The following DLG2 variants were observed in gnomAD, a reference collection of about 807,000 sequenced individuals.
DLG2 encodes the protein disks large homolog 2.
A neutral mutation model predicts 132.5 loss-of-function variants in DLG2; 45 were observed. That is an observed-to-expected ratio of 0.34 (90% CI 0.27 to 0.44). The LOEUF is 0.44. Ranked by LOEUF, DLG2 falls within the 20% of genes least tolerant of loss-of-function variation. The pLI is 1.00. For synonymous variants in DLG2, 424 were observed against 419.6 expected, an observed-to-expected ratio of 1.01 and a Z score of -0.13; for missense variants, 1,045 against 1,196.9, an observed-to-expected ratio of 0.87 and a Z score of 1.87.
intron 6 of DLG2, among the ~76,000 whole-genome samples, chr11:84,856,885 C>A (rs1001766797): frequency 6.6e-6 from 1 of 151,710 alleles, no homozygotes; most frequent in African/African-American, 2.4e-5. Context: ...TCTGAGGAGG[C>A]TGAAAAAGTA....
intron 6 of DLG2, among the ~76,000 whole-genome samples, chr11:84,728,779 G>C (rs1311005292): frequency 6.6e-6 from 1 of 152,140 alleles, no homozygotes; most frequent in Non-Finnish European, 1.5e-5. Context: ...CTTGTTATTG[G>C]TTTATTCAGG....
At chr11:85,554,827 G>A (rs918072495) in intron 3 of DLG2, among the ~76,000 whole-genome samples, 4 of 150,302 alleles carry the variant, frequency 2.7e-5, no homozygotes, top group South Asian at 2.1e-4. Context: ...ATTTTTTTTC[G>A]GACTTTTGCA....
At chr11:84,090,286 C>T (rs1054982411) in intron 10 of DLG2, among the ~76,000 whole-genome samples, 2 of 151,670 alleles carry the variant, frequency 1.3e-5, no homozygotes, top group East Asian at 1.9e-4. Flanking sequence ...TGGTAGCAGG[C>T]GCCTGTAATC....
intron 9 of DLG2, among the ~76,000 whole-genome samples, chr11:84,157,335 T>A (rs906854587): frequency 2.0e-5 from 3 of 152,208 alleles, no homozygotes; most frequent in Non-Finnish European, 4.4e-5. Flanking sequence ...TGTATAATAC[T>A]TGTGAATTTT....
At chr11:85,446,506 C>T (rs972637474) in intron 3 of DLG2, among the ~76,000 whole-genome samples, 4 of 152,172 alleles carry the variant, frequency 2.6e-5, no homozygotes, top group Admixed American at 6.5e-5. Flanking sequence ...TTAATAATCA[C>T]TTAAAATAAT....
intron 21 of DLG2, among the ~76,000 whole-genome samples, chr11:83,532,128 T>C (rs2095764309): frequency 6.6e-6 from 1 of 152,220 alleles, no homozygotes; most frequent in Non-Finnish European, 1.5e-5. Context: ...ATTTTTTAAG[T>C]GGTTGAGTTA....
chr11:84,484,579 A>G (rs1683523615), intron 7 of DLG2, among the ~76,000 whole-genome samples: 1 of 152,164 alleles, frequency 6.6e-6, no homozygotes, highest in African/African-American at 2.4e-5. Context: ...ACTTTTTTGC[A>G]TTAAAATTAA....
intron 7 of DLG2, among the ~76,000 whole-genome samples, chr11:84,445,680 G>A (rs575671694): frequency 2.1e-3 from 319 of 152,144 alleles, no homozygotes; most frequent in African/African-American, 7.4e-3. Flanking sequence ...ACTTTGGGAG[G>A]CCGAGGCGGG....
chr11:83,644,446 C>T (rs1000578741), intron 18 of DLG2, among the ~76,000 whole-genome samples: 3 of 152,102 alleles, frequency 2.0e-5, no homozygotes, highest in South Asian at 2.1e-4. Context: ...ATACTCATAA[C>T]TTCGTTCTCA....
At chr11:83,849,683 T>C (rs894172342) in intron 16 of DLG2, among the ~76,000 whole-genome samples, 4 of 151,692 alleles carry the variant, frequency 2.6e-5, no homozygotes, top group Non-Finnish European at 5.9e-5. Context: ...TCTCTCAGCA[T>C]AGCATGTGCT....
At chr11:84,912,260 A>T (rs2092137402) in intron 6 of DLG2, among the ~76,000 whole-genome samples, 5 of 152,164 alleles carry the variant, frequency 3.3e-5, no homozygotes, top group Admixed American at 2.0e-4. Flanking sequence ...GGTTCACGCC[A>T]TTCTCCTGCC....
intron 20 of DLG2, among the ~76,000 whole-genome samples, chr11:83,537,391 A>G (rs1342612668): frequency 6.6e-6 from 1 of 152,106 alleles, no homozygotes. Context: ...AATGTCACCC[A>G]CATTAGTGGC....
chr11:85,012,266 C>T lies in DLG2; in HGVS notation c.357+99395G>A, dbSNP rs2059201681. Among the ~76,000 whole-genome samples the T allele has an allele frequency of 2.7e-5, 2 of 74,344 alleles. 1 individual carries two copies. Among genetic ancestry groups the T allele is most frequent in the African/African-American group, 2.0e-4 (2 of 9,802 alleles). 48.8% of individuals were successfully genotyped at this position (74,344 alleles called of 152,430 possible). ...ATATGGCCGGGCGCAGTGGCTCACG[C>T]CTGTAATCCCAGCACTTTGGGAAGC... On this transcript the variant is annotated intron_variant, in intron 6 of 27. Coordinates refer to ENST00000376104, the MANE Select transcript of DLG2 (RefSeq NM_001142699.3).
chr11:85,509,085 C>A (rs1036755782), intron 3 of DLG2, among the ~76,000 whole-genome samples: 2 of 152,010 alleles, frequency 1.3e-5, no homozygotes, highest in African/African-American at 2.4e-5. Flanking sequence ...CTACATATTA[C>A]TGATTTTGAA....
chr11:85,338,729 G>A (rs540816716), intron 3 of DLG2, among the ~76,000 whole-genome samples: 262 of 140,976 alleles, frequency 1.9e-3, no homozygotes, highest in Non-Finnish European at 3.2e-3. Flanking sequence ...TTTTTGAGAC[G>A]GAGTCTTGCT....
intron 6 of DLG2, among the ~76,000 whole-genome samples, chr11:84,827,458 G>A (rs1329768555): frequency 6.6e-6 from 1 of 151,750 alleles, no homozygotes. Flanking sequence ...AGGAAGCACA[G>A]AAGCAATTTA....
At position 85,067,349 on chromosome 11, in the gene DLG2, T is replaced by C. The variant is rs146677437; in HGVS notation, c.357+44312A>G. On this transcript the variant is annotated intron_variant, in intron 6 of 27. Transcript: ENST00000376104. ...TTTTTTGTGTCTCTATCTCCTTCAG[T>C]TCTGCTCTCATCTTAGTTATTTCTT... Among the ~76,000 whole-genome samples, 813 of 152,062 alleles carry C rather than the reference T, an allele frequency of 5.3e-3. 6 individuals carry two copies. Among genetic ancestry groups the C allele is most frequent in the African/African-American group, 0.019 (786 of 41,524 alleles).
At chr11:85,432,301 G>T (rs1428716245) in intron 3 of DLG2, among the ~76,000 whole-genome samples, 2 of 152,222 alleles carry the variant, frequency 1.3e-5, no homozygotes, top group African/African-American at 2.4e-5. Flanking sequence ...TCCAGCAAGG[G>T]TGCAGAACTG....
At chr11:85,391,893 A>G (rs2086828156) in intron 3 of DLG2, among the ~76,000 whole-genome samples, 1 of 152,078 alleles carries the variant, frequency 6.6e-6, no homozygotes, top group African/African-American at 2.4e-5. Context: ...AATGATGCCA[A>G]CTTTCACCAC....
Sources: allele counts gnomAD v4.1 joint callset (sites outside exome capture counted in the v4.1 genomes callset), GRCh38; gene constraint gnomAD v4.1.1; transcripts MANE v1.5; gene names NCBI Gene and HGNC (gene_info 2026-07-23, HGNC 2026-07-21).